The following TCERG1L variants were observed in gnomAD, a reference collection of about 807,000 sequenced individuals.
TCERG1L encodes the protein transcription elongation regulator 1-like protein.
In TCERG1L, 37 loss-of-function variants were observed where a neutral mutation model predicts 56.3. That is an observed-to-expected ratio of 0.66 (90% confidence interval 0.51 to 0.87). The LOEUF is 0.87. Ranked by LOEUF, TCERG1L falls within the 40% of genes least tolerant of loss-of-function variation. TCERG1L has a pLI of 0.00. For synonymous variants in TCERG1L, 324 were observed against 326.3 expected, an observed-to-expected ratio of 0.99 and a Z score of 0.08; for missense variants, 799 against 774.2, an observed-to-expected ratio of 1.03 and a Z score of -0.38.
At position 131,260,242 on chromosome 10, in the gene TCERG1L, C is replaced by A. The variant is rs774994034; in HGVS notation, c.856+17G>T. The A allele has an allele frequency of 7.4e-7, 1 of 1,348,948 alleles. No individual in the cohort carries two copies. Among genetic ancestry groups the A allele is most frequent in the Non-Finnish European group, 9.6e-7 (1 of 1,045,024 alleles). The allele number at this position is 1,348,948 out of a possible 1,614,324, so 83.6% of individuals were successfully genotyped here. On this transcript the variant is annotated intron_variant, in intron 4 of 11. Transcript: ENST00000368642. This position sits in a 1 kb window ranked among gnomAD's most constrained non-coding sequence, Gnocchi z 5.8. ...GCTAAGGCAGCACCAGGCGTCGGGA[C>A]GGCGCTCCGAGCCTACCTGAGACGG...
intron 3 of TCERG1L, among the ~76,000 whole-genome samples, chr10:131,274,443 C>T (rs765240244): frequency 1.3e-5 from 2 of 152,202 alleles, no homozygotes; most frequent in Non-Finnish European, 2.9e-5. Context: ...AGGACTCTTT[C>T]TGCCTCTCCA....
intron 9 of TCERG1L, among the ~76,000 whole-genome samples, chr10:131,108,446 G>C (rs11017724): frequency 0.022 from 1,147 of 52,306 alleles, 40 homozygotes; most frequent in South Asian, 0.097. Flanking sequence ...GGGAATAAAC[G>C]CACTTCAGAT....
At chr10:131,168,719 G>C (rs1846058574) in intron 4 of TCERG1L, among the ~76,000 whole-genome samples, 1 of 152,184 alleles carries the variant, frequency 6.6e-6, no homozygotes, top group African/African-American at 2.4e-5. Flanking sequence ...TGGCTGGTCT[G>C]CCCTTAGTGC....
intron 3 of TCERG1L, among the ~76,000 whole-genome samples, chr10:131,281,886 CAGCACTTTGGGAGGCCG>C (rs746571298): frequency 2.1e-4 from 31 of 150,242 alleles, no homozygotes; most frequent in Non-Finnish European, 4.3e-4. Flanking sequence ...CCTGTAATCC[CAGCACTTTGGGAGGCCG>C]AGGCTGGCGG....
rs562613142 is a variant in TCERG1L at position 131,190,026 on chromosome 10, G to A, written c.857-23141C>T. 5.9e-5 allele frequency among the ~76,000 whole-genome samples: 9 copies of A among 152,268 alleles called. No individual in the cohort carries two copies. In the East Asian group the frequency reaches 9.6e-4, roughly 16 times the overall value. On this transcript the variant is annotated intron_variant, in intron 4 of 11. Coordinates refer to ENST00000368642, the MANE Select transcript of TCERG1L (RefSeq NM_174937.4). The stretch of plus-strand genomic sequence containing the variant: ...AATAAACAAAATTAATAGATCATTA[G>A]CTTGATTAACCAAGAAAAGAAGAGA...
In TCERG1L at chr10:131,142,068, A is replaced by T. The variant is rs112597138; in HGVS notation, c.1189+4438T>A. Among the ~76,000 whole-genome samples the T allele has an allele frequency of 2.8e-3, 424 of 152,336 alleles. 3 individuals carry two copies. Among genetic ancestry groups the T allele is most frequent in the Non-Finnish European group, 5.1e-3 (346 of 68,030 alleles). On this transcript the variant is annotated intron_variant, in intron 7 of 11. Transcript: ENST00000368642. ...TTCACCTTGGCATCACGTTACAGAG[A>T]CTAAACAAAGTGGGCACTACAATGG...
intron 7 of TCERG1L, among the ~76,000 whole-genome samples, chr10:131,134,879 C>T (rs905122439): frequency 3.3e-5 from 5 of 152,218 alleles, no homozygotes; most frequent in Non-Finnish European, 5.9e-5. Flanking sequence ...AACAGGCCCA[C>T]GCTCAGCTCC....
At chr10:131,178,896 G>A (rs1460789404) in intron 4 of TCERG1L, among the ~76,000 whole-genome samples, 1 of 152,244 alleles carries the variant, frequency 6.6e-6, no homozygotes, top group Non-Finnish European at 1.5e-5. Flanking sequence ...TGTTTAATGA[G>A]AAGGCAAAGC....
intron 4 of TCERG1L, among the ~76,000 whole-genome samples, chr10:131,169,305 A>T (rs1041941542): frequency 1.8e-5 from 1 of 55,434 alleles, no homozygotes; most frequent in Non-Finnish European, 6.0e-5. Context: ...AACCCTCATT[A>T]AAAAACCCAG....
At chr10:131,108,660 C>G (rs1016779025) in intron 9 of TCERG1L, among the ~76,000 whole-genome samples, 1 of 152,198 alleles carries the variant, frequency 6.6e-6, no homozygotes, top group South Asian at 2.1e-4. Flanking sequence ...AGCACCACCT[C>G]GGATCACTCC....
At chr10:131,115,688 A>G (rs1384720726) in intron 9 of TCERG1L, among the ~76,000 whole-genome samples, 1 of 152,184 alleles carries the variant, frequency 6.6e-6, no homozygotes, top group Admixed American at 6.5e-5. Flanking sequence ...GCACACATTC[A>G]AATTCAAGGG....
chr10:131,170,347 G>A (rs1846076282), intron 4 of TCERG1L, among the ~76,000 whole-genome samples: 1 of 152,124 alleles, frequency 6.6e-6, no homozygotes, highest in South Asian at 2.1e-4. Flanking sequence ...CCTCCCTTGA[G>A]TGGCAGACAG....
intron 7 of TCERG1L, among the ~76,000 whole-genome samples, chr10:131,145,541 C>T (rs1336890918): frequency 6.6e-6 from 1 of 152,202 alleles, no homozygotes; most frequent in African/African-American, 2.4e-5. Flanking sequence ...AGACTACCAC[C>T]ATGTCTCTTA....
intron 4 of TCERG1L, among the ~76,000 whole-genome samples, chr10:131,182,661 G>A (rs1845193322): frequency 6.6e-6 from 1 of 152,184 alleles, no homozygotes; most frequent in South Asian, 2.1e-4. Context: ...CCCTGCTTTA[G>A]CATTTGCGGG....
intron 3 of TCERG1L, among the ~76,000 whole-genome samples, chr10:131,275,934 A>G (rs2062058291): frequency 1.3e-5 from 2 of 152,072 alleles, no homozygotes; most frequent in East Asian, 1.9e-4. Flanking sequence ...GGCTCAGAAG[A>G]TCCCTTTGCC....
chr10:131,160,804 G>C (rs2133428858), intron 6 of TCERG1L: 2 of 152,366 alleles, frequency 1.3e-5, no homozygotes, highest in Middle Eastern at 6.8e-3. Context: ...TCATTTGCTG[G>C]ATCGCACGAA....
intron 8 of TCERG1L, among the ~76,000 whole-genome samples, chr10:131,125,031 T>C (rs1845550232): frequency 6.6e-6 from 1 of 152,210 alleles, no homozygotes; most frequent in Non-Finnish European, 1.5e-5. Context: ...AACCCCACTG[T>C]CCAGGTGGAA....
At chr10:131,146,766 C>A (rs898229502) in intron 6 of TCERG1L, 106 bp from the exon 7 acceptor site, 3 of 1,323,218 alleles carry the variant, frequency 2.3e-6, no homozygotes, top group Non-Finnish European at 3.1e-6. Flanking sequence ...GAAATCCACA[C>A]ATTTGCAAAG....
chr10:131,135,791 A>C (rs903592456), intron 7 of TCERG1L, among the ~76,000 whole-genome samples: 1 of 152,214 alleles, frequency 6.6e-6, no homozygotes, highest in Non-Finnish European at 1.5e-5. Context: ...CATCATGCAC[A>C]CCCTGTGTGG....
Sources: allele counts gnomAD v4.1 joint callset (sites outside exome capture counted in the v4.1 genomes callset), GRCh38; gene constraint gnomAD v4.1.1; non-coding constraint Gnocchi (gnomAD v3.1); transcripts MANE v1.5; gene names NCBI Gene and HGNC (gene_info 2026-07-23, HGNC 2026-07-21).